The following AKAP19 variants were observed in gnomAD, a reference collection of about 807,000 sequenced individuals.
AKAP19 encodes the protein A-kinase anchoring protein 19.
chr2:190,156,506 A>G, the AKAP19 span, among the ~76,000 whole-genome samples: 140 of 152,290 alleles, frequency 9.2e-4, no homozygotes, highest in Middle Eastern at 6.8e-3. Flanking sequence ...GGAATGATAA[A>G]TTAGGGGAAA....
At chr2:190,102,339 A>T in the AKAP19 span, among the ~76,000 whole-genome samples, 2 of 152,140 alleles carry the variant, frequency 1.3e-5, no homozygotes, top group Non-Finnish European at 2.9e-5. Flanking sequence ...ACTAAAAAAA[A>T]AGAGTAGAAC....
the AKAP19 span, among the ~76,000 whole-genome samples, chr2:190,182,297 T>C: frequency 2.0e-5 from 3 of 152,206 alleles, no homozygotes; most frequent in Admixed American, 1.3e-4. Flanking sequence ...ACTGTGAACT[T>C]AGAAACAAGA....
the AKAP19 span, among the ~76,000 whole-genome samples, chr2:189,972,710 T>C: frequency 3.3e-5 from 5 of 152,166 alleles, no homozygotes; most frequent in African/African-American, 9.7e-5. Flanking sequence ...CCCTTGTAAG[T>C]TGGATTCCTA....
chr2:190,143,345 C>T, the AKAP19 span, among the ~76,000 whole-genome samples: 7 of 151,446 alleles, frequency 4.6e-5, no homozygotes, highest in Middle Eastern at 3.4e-3. Context: ...TGGAACATGC[C>T]GTTCCCTGTG....
the AKAP19 span, among the ~76,000 whole-genome samples, chr2:190,114,688 C>T: frequency 1.3e-5 from 2 of 152,166 alleles, no homozygotes; most frequent in African/African-American, 4.8e-5. Context: ...GATCTCCTGA[C>T]CTCTTGATCC....
chr2:189,977,616 T>A, the AKAP19 span, among the ~76,000 whole-genome samples: 9 of 152,190 alleles, frequency 5.9e-5, no homozygotes, highest in Non-Finnish European at 7.4e-5. Context: ...AGAAGATAAA[T>A]TTAATTTAAT....
At chr2:190,099,141 A>C in the AKAP19 span, among the ~76,000 whole-genome samples, 2 of 152,158 alleles carry the variant, frequency 1.3e-5, no homozygotes, top group Non-Finnish European at 2.9e-5. Context: ...AATTTCTTTC[A>C]AGAGCTTTTC....
At chr2:189,966,313 C>A in the AKAP19 span, among the ~76,000 whole-genome samples, 1 of 152,230 alleles carries the variant, frequency 6.6e-6, no homozygotes, top group South Asian at 2.1e-4. Flanking sequence ...ACAAATACCA[C>A]CTGTTCCCCC....
chr2:190,160,926 C>T, the AKAP19 span, among the ~76,000 whole-genome samples: 59,255 of 151,782 alleles, frequency 0.39, 12,950 homozygotes, highest in East Asian at 0.73. Flanking sequence ...GAAATCTAAT[C>T]GAGTACTTAC....
At chr2:189,976,151 G>A in the AKAP19 span, among the ~76,000 whole-genome samples, 1 of 152,126 alleles carries the variant, frequency 6.6e-6, no homozygotes, top group African/African-American at 2.4e-5. Flanking sequence ...TACAGATGGG[G>A]TTTTGGTGTG....
chr2:190,101,472 G>A, the AKAP19 span, among the ~76,000 whole-genome samples: 25 of 152,150 alleles, frequency 1.6e-4, no homozygotes, highest in African/African-American at 6.0e-4. Context: ...GGCATTCAGA[G>A]CACACATTTG....
the AKAP19 span, among the ~76,000 whole-genome samples, chr2:189,960,406 T>C: frequency 1.3e-5 from 2 of 152,172 alleles, no homozygotes; most frequent in Non-Finnish European, 2.9e-5. Flanking sequence ...TCCAAATTAA[T>C]GAACTGAAGA....
At chr2:190,123,081 G>A in the AKAP19 span, among the ~76,000 whole-genome samples, 3 of 151,816 alleles carry the variant, frequency 2.0e-5, no homozygotes, top group Non-Finnish European at 4.4e-5. Context: ...CAAAGCACTG[G>A]GATTACTAGC....
At chr2:190,177,281 A>G in the AKAP19 span, among the ~76,000 whole-genome samples, 4 of 152,028 alleles carry the variant, frequency 2.6e-5, no homozygotes, top group Non-Finnish European at 4.4e-5. This position sits in a 1 kb window ranked among gnomAD's most constrained non-coding sequence, Gnocchi z 4.6. Flanking sequence ...GTCATTTTCT[A>G]TTCTTTATAA....
At chr2:190,130,460 A>G in the AKAP19 span, among the ~76,000 whole-genome samples, 1 of 152,248 alleles carries the variant, frequency 6.6e-6, no homozygotes. Context: ...TTTCTAATTT[A>G]GTAGATACAT....
chr2:189,897,239 C>T, the AKAP19 span, among the ~76,000 whole-genome samples: 1 of 152,040 alleles, frequency 6.6e-6, no homozygotes, highest in South Asian at 2.1e-4. Flanking sequence ...AATTAAAAAG[C>T]AAATCATTTT....
At chr2:189,900,865 G>A in the AKAP19 span, among the ~76,000 whole-genome samples, 1 of 152,182 alleles carries the variant, frequency 6.6e-6, no homozygotes, top group Non-Finnish European at 1.5e-5. Context: ...GCTTGCTGGG[G>A]ATTTTATGGG....
At chr2:190,008,350 G>T in the AKAP19 span, among the ~76,000 whole-genome samples, 1 of 151,802 alleles carries the variant, frequency 6.6e-6, no homozygotes, top group South Asian at 2.1e-4. Flanking sequence ...AAAATAAAAG[G>T]ACAACTCTTA....
chr2:190,076,801 TG>T, the AKAP19 span, among the ~76,000 whole-genome samples: 1 of 152,190 alleles, frequency 6.6e-6, no homozygotes, highest in Admixed American at 6.5e-5. Flanking sequence ...TTTCAGGATT[TG>T]GGGGTTTATA....
Sources: gnomAD v4.1 joint callset for allele counts (sites outside exome capture counted in the v4.1 genomes callset) on GRCh38, gnomAD v4.1.1 for gene constraint, Gnocchi (gnomAD v3.1) non-coding constraint, MANE v1.5 for transcripts, NCBI Gene and HGNC (gene_info 2026-07-23, HGNC 2026-07-21) for gene names.